Variants in PGCKA1 observed in about 807,000 individuals in gnomAD.
The protein encoded by PGCKA1 is PDCD10 and GCKIII kinases associated 1.
the PGCKA1 span, among the ~76,000 whole-genome samples, chr4:37,528,468 G>A: frequency 0.082 from 12,539 of 152,182 alleles, 656 homozygotes; most frequent in Middle Eastern, 0.14. Context: ...AGACACTGTT[G>A]GGATTTTAGC....
At chr4:37,477,473 G>T in the PGCKA1 span, among the ~76,000 whole-genome samples, 1 of 152,134 alleles carries the variant, frequency 6.6e-6, no homozygotes, top group Non-Finnish European at 1.5e-5. Flanking sequence ...AAAATTTATT[G>T]TGGTAACGGT....
chr4:37,509,878 A>G, the PGCKA1 span, among the ~76,000 whole-genome samples: 8 of 150,394 alleles, frequency 5.3e-5, no homozygotes, highest in Non-Finnish European at 1.5e-5. Flanking sequence ...CAGCAGAATC[A>G]GGCAGGGAGG....
At chr4:37,578,264 C>G in the PGCKA1 span, among the ~76,000 whole-genome samples, 1 of 152,260 alleles carries the variant, frequency 6.6e-6, no homozygotes, top group South Asian at 2.1e-4. Flanking sequence ...ATTGTTATAT[C>G]CTCTTGCTGA....
chr4:37,520,312 A>G, the PGCKA1 span, among the ~76,000 whole-genome samples: 2 of 152,186 alleles, frequency 1.3e-5, no homozygotes, highest in African/African-American at 4.8e-5. Context: ...ATTTTTTGGA[A>G]TAGCTTGAGT....
the PGCKA1 span, among the ~76,000 whole-genome samples, chr4:37,557,169 G>A: frequency 2.0e-5 from 3 of 152,176 alleles, no homozygotes; most frequent in African/African-American, 7.2e-5. Flanking sequence ...ACTTTCTTAA[G>A]TTCTATACAT....
the PGCKA1 span, among the ~76,000 whole-genome samples, chr4:37,533,812 C>G: frequency 1.3e-4 from 20 of 152,290 alleles, no homozygotes; most frequent in African/African-American, 4.8e-4. Flanking sequence ...TTCGCAAAGT[C>G]TTTGTTTCCC....
chr4:37,510,995 C>A, the PGCKA1 span, among the ~76,000 whole-genome samples: 1 of 151,820 alleles, frequency 6.6e-6, no homozygotes, highest in Non-Finnish European at 1.5e-5. Context: ...CCACCACAGA[C>A]CCACAGGGAG....
At chr4:37,539,341 C>T in the PGCKA1 span, among the ~76,000 whole-genome samples, 1 of 152,172 alleles carries the variant, frequency 6.6e-6, no homozygotes, top group Non-Finnish European at 1.5e-5. Context: ...ACTGGTCTGT[C>T]CTGATATGTA....
the PGCKA1 span, among the ~76,000 whole-genome samples, chr4:37,512,717 G>T: frequency 6.6e-6 from 1 of 151,968 alleles, no homozygotes; most frequent in Non-Finnish European, 1.5e-5. Context: ...GCCTTCCTAA[G>T]TGCTGGGATT....
At chr4:37,459,127 G>A in the PGCKA1 span, among the ~76,000 whole-genome samples, 3 of 151,948 alleles carry the variant, frequency 2.0e-5, no homozygotes, top group Admixed American at 6.6e-5. Flanking sequence ...AGTATTATAC[G>A]GCTCAGAGTT....
the PGCKA1 span, among the ~76,000 whole-genome samples, chr4:37,574,203 A>C: frequency 1.6e-4 from 25 of 152,266 alleles, no homozygotes; most frequent in East Asian, 4.6e-3. Context: ...AAAAAAAGAA[A>C]AAACTCATTT....
the PGCKA1 span, chr4:37,461,059 G>A: frequency 4.3e-6 from 1 of 230,272 alleles, no homozygotes; most frequent in South Asian, 4.4e-5. Context: ...CATATGGCTA[G>A]CCAGTTTTCC....
the PGCKA1 span, among the ~76,000 whole-genome samples, chr4:37,493,561 CTA>C: frequency 6.6e-6 from 1 of 152,130 alleles, no homozygotes; most frequent in African/African-American, 2.4e-5. Context: ...AAATAGGAGA[CTA>C]TATTTCATTT....
At chr4:37,553,103 C>T in the PGCKA1 span, among the ~76,000 whole-genome samples, 140 of 138,114 alleles carry the variant, frequency 1.0e-3, 14 homozygotes, top group East Asian at 0.022. Context: ...ACTCCCATAA[C>T]GCTTAGTGCT....
chr4:37,550,656 G>C, the PGCKA1 span, among the ~76,000 whole-genome samples: 1 of 152,222 alleles, frequency 6.6e-6, no homozygotes, highest in Non-Finnish European at 1.5e-5. Flanking sequence ...ACGCTCTCCA[G>C]AACCCGTATT....
At chr4:37,527,404 C>A in the PGCKA1 span, among the ~76,000 whole-genome samples, 1 of 152,176 alleles carries the variant, frequency 6.6e-6, no homozygotes, top group Non-Finnish European at 1.5e-5. Flanking sequence ...CACTGACTCA[C>A]CCAGAGCAAC....
the PGCKA1 span, among the ~76,000 whole-genome samples, chr4:37,463,989 C>T: frequency 6.6e-5 from 10 of 152,222 alleles, no homozygotes; most frequent in South Asian, 1.2e-3. Context: ...TATGACTAGG[C>T]GAGGCACAAG....
chr4:37,566,566 A>T, the PGCKA1 span, among the ~76,000 whole-genome samples: 6,984 of 148,978 alleles, frequency 0.047, 406 homozygotes, highest in East Asian at 0.14. Flanking sequence ...TAGGCACCCA[A>T]AATTCTTGTT....
chr4:37,500,919 G>A, the PGCKA1 span, among the ~76,000 whole-genome samples: 16 of 152,286 alleles, frequency 1.1e-4, no homozygotes, highest in East Asian at 3.1e-3. Flanking sequence ...TGTTTGGCCT[G>A]AAATTAGGAC....
Sources: gnomAD v4.1 joint callset for allele counts (sites outside exome capture counted in the v4.1 genomes callset) on GRCh38, gnomAD v4.1.1 for gene constraint, MANE v1.5 for transcripts, NCBI Gene and HGNC (gene_info 2026-07-23, HGNC 2026-07-21) for gene names.